VIT: variants seen among roughly 807,000 people sequenced by gnomAD.
VIT encodes the protein vitrin.
Under a neutral mutation model 78.0 loss-of-function variants are expected in VIT, and 99 were observed. The observed-to-expected ratio is 1.27, with a 90% CI of 1.08 to 1.50. The LOEUF is 1.50. Ranked by LOEUF, VIT falls within the 40% of genes most tolerant of loss-of-function variation. The probability of loss-of-function intolerance (pLI) is 0.00; values close to 1 mark genes in which losing one functional copy is unlikely to be tolerated. For missense variants in VIT, 1,126 were observed against 875.3 expected, an observed-to-expected ratio of 1.29 and a Z score of -3.61; for synonymous variants, 374 against 334.3, an observed-to-expected ratio of 1.12 and a Z score of -1.29.
chr2:36,714,064 G>C (rs1266822792), intron 1 of VIT, among the ~76,000 whole-genome samples: 1 of 152,212 alleles, frequency 6.6e-6, no homozygotes, highest in Admixed American at 6.5e-5. Flanking sequence ...CCAGTGGCCA[G>C]CTACCTTAAT....
intron 1 of VIT, among the ~76,000 whole-genome samples, chr2:36,703,930 G>GT (rs1310740384): frequency 4.0e-4 from 3 of 7,524 alleles, no homozygotes; most frequent in Admixed American, 2.7e-3. Flanking sequence ...TTTGTTTTTT[G>GT]TTTTTGTTTT....
chr2:36,788,147 A>G (rs146344979), intron 12 of VIT: 134 of 219,948 alleles, frequency 6.1e-4, no homozygotes, highest in African/African-American at 3.1e-3. Flanking sequence ...TGCCTTCTAC[A>G]AAGGACCAGT....
intron 10 of VIT, 107 bp from the exon 11 acceptor site, chr2:36,783,233 C>G: frequency 9.7e-7 from 1 of 1,029,344 alleles, no homozygotes; most frequent in East Asian, 2.6e-5. Flanking sequence ...TAGCTTTAAG[C>G]CAAGCCCCCA....
At chr2:36,776,538 C>T (rs1017829910) in intron 9 of VIT, among the ~76,000 whole-genome samples, 19 of 152,228 alleles carry the variant, frequency 1.2e-4, no homozygotes, top group African/African-American at 4.3e-4. Context: ...CGGTGGTTCA[C>T]GCCGGTAATC....
Position 36,760,463 on chromosome 2 carries a change from G to C in VIT, c.487+1417G>C, listed in dbSNP as rs113231221. 1.6e-3 allele frequency among the ~76,000 whole-genome samples: 246 copies of C among 152,272 alleles called. 1 individual carries two copies. Among genetic ancestry groups the C allele is most frequent in the South Asian group, 6.4e-3 (31 of 4,826 alleles). ...CCAGTGGTCTAGTCCTGTTTGTTTAGTTTCAAGGATAGAGCTGTTCCCCAC... is the reference window on the plus strand; with the variant it reads ...CCAGTGGTCTAGTCCTGTTTGTTTACTTTCAAGGATAGAGCTGTTCCCCAC... On this transcript the variant is annotated intron_variant, in intron 6 of 15. Coordinates refer to ENST00000379242, the MANE Select transcript of VIT (RefSeq NM_053276.4).
intron 1 of VIT, among the ~76,000 whole-genome samples, chr2:36,710,215 A>G (rs1270670732): frequency 6.6e-6 from 1 of 152,140 alleles, no homozygotes; most frequent in African/African-American, 2.4e-5. Flanking sequence ...TTTTTTCATT[A>G]TTTCATTTTT....
intron 2 of VIT, among the ~76,000 whole-genome samples, chr2:36,725,371 G>A (rs898968425): frequency 4.6e-5 from 7 of 152,152 alleles, no homozygotes; most frequent in Non-Finnish European, 8.8e-5. Flanking sequence ...TCAGGGTGCT[G>A]ATGGATTCAG....
At chr2:36,751,801 T>A (rs1285843538) in intron 4 of VIT, among the ~76,000 whole-genome samples, 5 of 152,182 alleles carry the variant, frequency 3.3e-5, no homozygotes, top group Admixed American at 2.0e-4. Context: ...GACTAGTGAC[T>A]GATATAGTGG....
chr2:36,808,170 C>T (rs984589127), intron 14 of VIT, among the ~76,000 whole-genome samples: 8 of 152,242 alleles, frequency 5.3e-5, no homozygotes, highest in African/African-American at 1.7e-4. Context: ...CCCGGAGAAG[C>T]ATAAATGTGA....
intron 1 of VIT, among the ~76,000 whole-genome samples, chr2:36,712,301 C>G (rs1471072242): frequency 6.6e-6 from 1 of 152,150 alleles, no homozygotes; most frequent in Non-Finnish European, 1.5e-5. Context: ...TATTGATAAG[C>G]CAACACTTGG....
At position 36,707,513 on chromosome 2, in the gene VIT, G is replaced by C. The variant is rs539483444; in HGVS notation, c.-18-8840G>C. 2.6e-5 allele frequency among the ~76,000 whole-genome samples: 4 copies of C among 152,342 alleles called. No homozygotes were observed. In the South Asian group the frequency reaches 8.3e-4, roughly 32 times the overall value. ...AATCACCTGGCAAGGGCCTGGTGCT[G>C]ATGGGCCCAAGCCTGGAGCAATTGC... is the stretch of plus-strand genomic sequence containing the variant. On this transcript the variant is annotated intron_variant, in intron 1 of 15. Coordinates refer to ENST00000379242, the MANE Select transcript of VIT (RefSeq NM_053276.4).
At chr2:36,788,871 G>C (rs1014311722) in intron 12 of VIT, among the ~76,000 whole-genome samples, 1 of 152,120 alleles carries the variant, frequency 6.6e-6, no homozygotes, top group African/African-American at 2.4e-5. Flanking sequence ...GAAAAATGGC[G>C]TGAGAATAGT....
At chr2:36,798,110 G>A (rs1034072999) in intron 12 of VIT, among the ~76,000 whole-genome samples, 14 of 152,200 alleles carry the variant, frequency 9.2e-5, no homozygotes, top group African/African-American at 3.4e-4. Flanking sequence ...AAAGAGAACA[G>A]CCTTAACATG....
intron 2 of VIT, among the ~76,000 whole-genome samples, chr2:36,721,829 C>A (rs1160388667): frequency 6.6e-6 from 1 of 152,226 alleles, no homozygotes; most frequent in African/African-American, 2.4e-5. Flanking sequence ...CCTCCACCCC[C>A]TTTAGGTTGG....
intron 12 of VIT, among the ~76,000 whole-genome samples, chr2:36,797,847 T>C (rs1001386289): frequency 6.6e-6 from 1 of 152,164 alleles, no homozygotes; most frequent in Non-Finnish European, 1.5e-5. Context: ...ATGCTGTTAA[T>C]TGAGTGCCTG....
chr2:36,784,767 C>G (rs866968976), intron 11 of VIT, among the ~76,000 whole-genome samples: 4 of 152,360 alleles, frequency 2.6e-5, no homozygotes, highest in Middle Eastern at 3.4e-3. Context: ...TCACACTGAA[C>G]ATTGTATAAC....
chr2:36,791,552 C>A (rs1194760716), intron 12 of VIT, among the ~76,000 whole-genome samples: 1 of 152,190 alleles, frequency 6.6e-6, no homozygotes, highest in African/African-American at 2.4e-5. Flanking sequence ...GCAGTGTAGC[C>A]ACACGTGTCC....
At chr2:36,764,885 G>T (rs2148578894) in intron 6 of VIT, among the ~76,000 whole-genome samples, 1 of 152,016 alleles carries the variant, frequency 6.6e-6, no homozygotes, top group Non-Finnish European at 1.5e-5. Context: ...ATGTCAAAGG[G>T]GAAGGTGGAT....
intron 9 of VIT, among the ~76,000 whole-genome samples, chr2:36,778,359 G>C (rs1670196106): frequency 6.6e-6 from 1 of 152,134 alleles, no homozygotes; most frequent in Non-Finnish European, 1.5e-5. Flanking sequence ...GGCTACTCCT[G>C]CTGTATGGAG....
Sources: gnomAD v4.1 joint callset for allele counts (sites outside exome capture counted in the v4.1 genomes callset) on GRCh38, gnomAD v4.1.1 for gene constraint, MANE v1.5 for transcripts, NCBI Gene and HGNC (gene_info 2026-07-23, HGNC 2026-07-21) for gene names.